Variants in GALNT13 observed in about 807,000 individuals in gnomAD.
The protein encoded by GALNT13 is polypeptide N-acetylgalactosaminyltransferase 13.
Under a neutral mutation model 64.2 loss-of-function variants are expected in GALNT13, and 28 were observed. The observed-to-expected ratio is 0.44, with a 90% confidence interval of 0.32 to 0.60. GALNT13 has a LOEUF of 0.60. Ranked by LOEUF, GALNT13 falls within the 20% of genes least tolerant of loss-of-function variation. GALNT13 has a pLI of 0.05. For missense variants in GALNT13, 577 were observed against 669.8 expected (o/e 0.86, Z 1.53); for synonymous variants, 214 against 224.6 (o/e 0.95, Z 0.42).
chr2:153,630,298 C>G, the GALNT13 span, among the ~76,000 whole-genome samples: 3 of 151,892 alleles, frequency 2.0e-5, no homozygotes, highest in East Asian at 3.9e-4. Flanking sequence ...CACATATACA[C>G]CACGGAATAC....
At chr2:154,162,672 A>G (rs1684802547) in intron 4 of GALNT13, among the ~76,000 whole-genome samples, 1 of 152,232 alleles carries the variant, frequency 6.6e-6, no homozygotes, top group Admixed American at 6.5e-5. Context: ...GAACAGTGTT[A>G]GATAAAGAGA....
intron 9 of GALNT13, among the ~76,000 whole-genome samples, chr2:154,355,722 G>A (rs1696702608): frequency 1.3e-5 from 2 of 152,032 alleles, no homozygotes; most frequent in Non-Finnish European, 1.5e-5. Context: ...TCGAGAGGCT[G>A]CATAAAATGA....
chr2:153,679,887 A>T, the GALNT13 span, among the ~76,000 whole-genome samples: 1 of 151,994 alleles, frequency 6.6e-6, no homozygotes, highest in African/African-American at 2.4e-5. Context: ...AGTGTCTTCA[A>T]TGAGTCTTGC....
chr2:153,422,942 G>C, the GALNT13 span, among the ~76,000 whole-genome samples: 1 of 151,562 alleles, frequency 6.6e-6, no homozygotes, highest in Non-Finnish European at 1.5e-5. Context: ...AATAAACAAG[G>C]GTTTGATAGT....
intron 8 of GALNT13, among the ~76,000 whole-genome samples, chr2:154,268,820 A>G (rs1220214278): frequency 6.6e-6 from 1 of 152,148 alleles, no homozygotes; most frequent in East Asian, 1.9e-4. Flanking sequence ...AACTGTATTC[A>G]TTAAATGAAG....
chr2:154,358,128 C>T (rs192328776), intron 9 of GALNT13, among the ~76,000 whole-genome samples: 1 of 152,142 alleles, frequency 6.6e-6, no homozygotes, highest in African/African-American at 2.4e-5. Flanking sequence ...TTTGCTCTTA[C>T]ACAAATTACA....
chr2:154,052,310 T>C (rs1699667143), intron 3 of GALNT13, among the ~76,000 whole-genome samples: 1 of 152,176 alleles, frequency 6.6e-6, no homozygotes, highest in Non-Finnish European at 1.5e-5. Flanking sequence ...GAGGTCATCT[T>C]ACATAACTCA....
At chr2:153,157,649 A>G in the GALNT13 span, among the ~76,000 whole-genome samples, 1 of 152,208 alleles carries the variant, frequency 6.6e-6, no homozygotes, top group South Asian at 2.1e-4. Flanking sequence ...CATATTGGCA[A>G]TCAGATCCAA....
chr2:153,478,463 C>G, the GALNT13 span: 3 of 1,613,670 alleles, frequency 1.9e-6, no homozygotes, highest in Non-Finnish European at 2.5e-6. Context: ...TCGGTCACCA[C>G]GGACGCCTGG....
the GALNT13 span, among the ~76,000 whole-genome samples, chr2:153,340,293 GTATC>G: frequency 1.5e-3 from 223 of 151,976 alleles, no homozygotes; most frequent in African/African-American, 5.1e-3. Context: ...CAAGCCTTTT[GTATC>G]TTTATTTATT....
chr2:154,264,636 AAAAC>A (rs1239299080), intron 8 of GALNT13, among the ~76,000 whole-genome samples: 2 of 152,058 alleles, frequency 1.3e-5, no homozygotes, highest in African/African-American at 2.4e-5. Context: ...GACTCTGTCA[AAAAC>A]AAACAAACAA....
chr2:153,079,711 T>C, the GALNT13 span, among the ~76,000 whole-genome samples: 2 of 152,206 alleles, frequency 1.3e-5, no homozygotes, highest in African/African-American at 4.8e-5. Context: ...CCCTAGGCCA[T>C]ACAGGTTGTC....
chr2:153,297,803 A>G, the GALNT13 span, among the ~76,000 whole-genome samples: 1 of 152,220 alleles, frequency 6.6e-6, no homozygotes, highest in South Asian at 2.1e-4. Flanking sequence ...GCAGAGTTAA[A>G]TATTCCTTTT....
the GALNT13 span, among the ~76,000 whole-genome samples, chr2:153,301,566 T>C: frequency 1.8e-4 from 27 of 152,178 alleles, no homozygotes; most frequent in South Asian, 5.2e-3. Flanking sequence ...TCTACTCTCT[T>C]AGCAATTTTT....
the GALNT13 span, among the ~76,000 whole-genome samples, chr2:153,196,644 C>T: frequency 3.7e-4 from 57 of 152,158 alleles, no homozygotes; most frequent in African/African-American, 1.3e-3. Context: ...CATGCCTGCT[C>T]ACAGCATGGG....
At chr2:153,624,779 GGA>G in the GALNT13 span, among the ~76,000 whole-genome samples, 7 of 149,290 alleles carry the variant, frequency 4.7e-5, no homozygotes, top group East Asian at 1.4e-3. Context: ...CTGGGCATCA[GGA>G]GGAAGAGAGA....
At chr2:153,185,941 T>C in the GALNT13 span, among the ~76,000 whole-genome samples, 2 of 152,136 alleles carry the variant, frequency 1.3e-5, no homozygotes, top group African/African-American at 4.8e-5. Context: ...TCTGTTGTTT[T>C]GGGTTGGAGA....
rs1454781938 is a variant in GALNT13, at chr2:153,988,517, C to A, written c.142+43878C>A. On this transcript the variant is annotated intron_variant, in intron 3 of 12. Transcript: ENST00000392825. ...ATGGTAAAATATCCTTTTTTTGAGG[C>A]TGAATAGTATTCCATTGTGTATATA... is the stretch of plus-strand genomic sequence containing the variant. Among the ~76,000 whole-genome samples the A allele has an allele frequency of 3.3e-5, 5 of 151,946 alleles. No homozygotes were observed. In the East Asian group the frequency reaches 5.8e-4, roughly 18 times the overall value.
intron 3 of GALNT13, among the ~76,000 whole-genome samples, chr2:154,014,654 A>T: frequency 6.9e-5 from 1 of 14,574 alleles, no homozygotes; most frequent in Non-Finnish European, 2.0e-4. Context: ...TTTTTTTGAG[A>T]CGGAGTCTTG....
Sources: gnomAD v4.1 joint callset for allele counts (sites outside exome capture counted in the v4.1 genomes callset) on GRCh38, gnomAD v4.1.1 for gene constraint, MANE v1.5 for transcripts, NCBI Gene and HGNC (gene_info 2026-07-23, HGNC 2026-07-21) for gene names.